The following ITPR2 variants were observed in gnomAD, a reference collection of about 807,000 sequenced individuals.
The protein encoded by ITPR2 is inositol 1,4,5-trisphosphate-gated calcium channel ITPR2.
In ITPR2, 207 loss-of-function variants were observed where a neutral mutation model predicts 317.1. That is an observed-to-expected ratio of 0.65 (90% confidence interval 0.58 to 0.73). ITPR2 has a LOEUF of 0.73. ITPR2 is among the 30% of genes least tolerant of loss of function. ITPR2 has a pLI of 0.00. For missense variants in ITPR2, 2,613 were observed against 3,284.0 expected (o/e 0.80, Z 4.99); for synonymous variants, 1,156 against 1,149.1 (o/e 1.01, Z -0.12).
At chr12:26,449,442 G>A (rs189492647) in intron 45 of ITPR2, among the ~76,000 whole-genome samples, 42 of 152,166 alleles carry the variant, frequency 2.8e-4, no homozygotes, top group Admixed American at 1.6e-3. Context: ...TGCAAAGCAC[G>A]GTTTTAGCTA....
chr12:26,772,422 ATTATATATAATACATGTATTATATATATT>A (rs2137153668), intron 2 of ITPR2, among the ~76,000 whole-genome samples: 1 of 113,078 alleles, frequency 8.8e-6, no homozygotes, highest in African/African-American at 2.8e-5. Flanking sequence ...ATTTATATAT[ATTATATATAATACATGTATTATATATATT>A]ATATATATAA....
intron 34 of ITPR2, among the ~76,000 whole-genome samples, chr12:26,568,793 C>T (rs910894591): frequency 6.6e-6 from 1 of 152,190 alleles, no homozygotes; most frequent in Non-Finnish European, 1.5e-5. Context: ...GAGAATGGCA[C>T]ATTTCCTGTA....
intron 16 of ITPR2, 57 bp downstream of exon 16, chr12:26,659,056 T>G (rs1947435107): frequency 7.1e-7 from 1 of 1,414,340 alleles, no homozygotes; most frequent in Non-Finnish European, 9.7e-7. Context: ...GTTCTAAAAA[T>G]AAAACATAAA....
chr12:26,773,077 C>T (rs1044033819), intron 2 of ITPR2, among the ~76,000 whole-genome samples: 7 of 152,164 alleles, frequency 4.6e-5, no homozygotes, highest in African/African-American at 1.7e-4. Context: ...CTGCAAAGGA[C>T]ATGAACTCAT....
intron 24 of ITPR2, among the ~76,000 whole-genome samples, chr12:26,623,912 T>C (rs1361335520): frequency 6.6e-6 from 1 of 152,224 alleles, no homozygotes; most frequent in Non-Finnish European, 1.5e-5. Flanking sequence ...ATAAAGTTAA[T>C]GATAACATTA....
At chr12:26,575,432 C>A (rs1447034176) in intron 34 of ITPR2, among the ~76,000 whole-genome samples, 3 of 151,668 alleles carry the variant, frequency 2.0e-5, no homozygotes, top group Non-Finnish European at 4.4e-5. Flanking sequence ...AGGGGAAGAA[C>A]AAATGCAGAA....
At chr12:26,608,612 C>T (rs1304177544) in intron 26 of ITPR2, among the ~76,000 whole-genome samples, 1 of 151,674 alleles carries the variant, frequency 6.6e-6, no homozygotes, top group Non-Finnish European at 1.5e-5. Context: ...GGCCGCCCCA[C>T]TGTCTGGGAA....
At chr12:26,345,034 C>T (rs1230666924) in intron 55 of ITPR2, among the ~76,000 whole-genome samples, 1 of 152,082 alleles carries the variant, frequency 6.6e-6, no homozygotes, top group African/African-American at 2.4e-5. Context: ...TCCTCCCTTC[C>T]CTTGTGTATC....
At chr12:26,445,007 G>C (rs1440897007) in intron 45 of ITPR2, among the ~76,000 whole-genome samples, 2 of 151,988 alleles carry the variant, frequency 1.3e-5, no homozygotes, top group Non-Finnish European at 2.9e-5. Flanking sequence ...ACTTACAGGG[G>C]TTTCTAAAAA....
At chr12:26,655,901 T>C in intron 19 of ITPR2, 49 bp from the exon 20 acceptor site, 1 of 1,540,598 alleles carries the variant, frequency 6.5e-7, no homozygotes, top group South Asian at 1.2e-5. Flanking sequence ...TTGCAATCAT[T>C]TAAAAATAGG....
At chr12:26,581,671 G>T (rs1945408167) in intron 32 of ITPR2, among the ~76,000 whole-genome samples, 1 of 152,070 alleles carries the variant, frequency 6.6e-6, no homozygotes, top group Non-Finnish European at 1.5e-5. Flanking sequence ...TCTAACCTAG[G>T]ATTAAAATTT....
chr12:26,694,529 T>C (rs1321091187), intron 10 of ITPR2, among the ~76,000 whole-genome samples: 1 of 152,208 alleles, frequency 6.6e-6, no homozygotes, highest in Non-Finnish European at 1.5e-5. Context: ...GGCATGTTCC[T>C]TTCTCACTGC....
chr12:26,739,031 G>A (rs778918388), intron 2 of ITPR2, among the ~76,000 whole-genome samples: 6 of 152,132 alleles, frequency 3.9e-5, no homozygotes, highest in African/African-American at 1.4e-4. Context: ...CACAAAAAAG[G>A]GAAGGCTAAC....
At chr12:26,725,522 G>T in intron 3 of ITPR2, 128 bp downstream of exon 3, 1 of 641,504 alleles carries the variant, frequency 1.6e-6, no homozygotes. Flanking sequence ...TACTTTCAAT[G>T]TGTTGCTATA....
intron 13 of ITPR2, among the ~76,000 whole-genome samples, chr12:26,679,295 G>A (rs1272481048): frequency 1.3e-5 from 2 of 152,182 alleles, no homozygotes; most frequent in African/African-American, 4.8e-5. Flanking sequence ...TATTCCATTT[G>A]TTTGCATATT....
intron 9 of ITPR2, among the ~76,000 whole-genome samples, chr12:26,708,984 A>G (rs1486047053): frequency 6.6e-6 from 1 of 152,248 alleles, no homozygotes; most frequent in African/African-American, 2.4e-5. Flanking sequence ...TTGCTTCTCA[A>G]CTGCTGTCAG....
In ITPR2 at chr12:26,365,494, AC is replaced by A. The variant is rs376860157; in HGVS notation, c.7857+21939del. Among the ~76,000 whole-genome samples, 32 of 152,244 alleles carry A rather than the reference AC, an allele frequency of 2.1e-4. 1 individual carries two copies. Among genetic ancestry groups the A allele is most frequent in the African/African-American group, 7.5e-4 (31 of 41,548 alleles). On this transcript the variant is annotated intron_variant, in intron 55 of 56. Transcript: ENST00000381340. ...AGAATTTTCATTAAGTACACATGAC[AC>A]CCTAGAAATGTTAAATTGTTCATGC... is the stretch of plus-strand genomic sequence containing the variant.
At chr12:26,730,425 A>C (rs1473751624) in intron 2 of ITPR2, among the ~76,000 whole-genome samples, 1 of 152,166 alleles carries the variant, frequency 6.6e-6, no homozygotes, top group Non-Finnish European at 1.5e-5. Flanking sequence ...TCAGAAATTG[A>C]CTCAGCGTCA....
chr12:26,485,957 G>C (rs1942655141), intron 41 of ITPR2, 147 bp downstream of exon 41: 4 of 859,592 alleles, frequency 4.7e-6, no homozygotes, highest in Non-Finnish European at 7.2e-6. Flanking sequence ...TGATACCAAA[G>C]TTTCTTCCCA....
Sources: gnomAD v4.1 joint callset for allele counts (sites outside exome capture counted in the v4.1 genomes callset) on GRCh38, gnomAD v4.1.1 for gene constraint, MANE v1.5 for transcripts, NCBI Gene and HGNC (gene_info 2026-07-23, HGNC 2026-07-21) for gene names.